The following HCFC1 variants were observed in gnomAD, a reference collection of about 807,000 sequenced individuals.
HCFC1 encodes the protein host cell factor 1.
In HCFC1, 7 loss-of-function variants were observed where a neutral mutation model predicts 105.5. The observed-to-expected ratio is 0.07, with a 90% CI of 0.04 to 0.12. The LOEUF is 0.12. HCFC1 is among the 10% of genes least tolerant of loss of function. The pLI is 1.00. For missense variants in HCFC1, 1,065 were observed against 1,823.6 expected, an observed-to-expected ratio of 0.58 and a Z score of 7.58; for synonymous variants, 918 against 828.1, an observed-to-expected ratio of 1.11 and a Z score of -1.86.
intron 5 of HCFC1, among the ~76,000 whole-genome samples, chrX:153,961,972 G>A (rs887232470): frequency 4.5e-5 from 5 of 112,266 alleles, no homozygotes; most frequent in African/African-American, 1.6e-4. Context: ...CTCTGTACCT[G>A]ATAGGGCGGA....
intron 1 of HCFC1, 49 bp from the exon 2 acceptor site, chrX:153,964,775 CCT>C: frequency 9.1e-7 from 1 of 1,096,874 alleles, no homozygotes; most frequent in Non-Finnish European, 1.2e-6. Context: ...AGCCCCCATT[CCT>C]CTCATTCCCC....
chrX:153,953,051 T>A (rs1569546678), intron 18 of HCFC1, 93 bp from the exon 19 acceptor site: 1 of 702,126 alleles, frequency 1.4e-6, no homozygotes. Flanking sequence ...ACTTCAGTAG[T>A]CAGAGCCCTT....
intron 4 of HCFC1, 53 bp from the exon 5 acceptor site, chrX:153,962,359 G>T (rs956588870): frequency 3.3e-6 from 3 of 912,045 alleles, no homozygotes; most frequent in Non-Finnish European, 3.2e-6. Context: ...CACACAGGTC[G>T]TTCCCTGGAT....
chrX:153,970,333 C>G (rs1325461244), intron 1 of HCFC1, among the ~76,000 whole-genome samples: 1 of 107,273 alleles, frequency 9.3e-6, no homozygotes, highest in East Asian at 2.9e-4. Flanking sequence ...GAAAACCAAT[C>G]CTCAAACACG....
chrX:153,958,064 C>T lies in HCFC1; in HGVS notation c.1989G>A (p.Leu663=), dbSNP rs1045866389. ...VVGGVTKTIT[L]VKSPISVPGG... ...CTGGGACAGAGATGGGGCTCTTCAC[C>T]AGGGTGATGGTCTTGGTGACCCCGC... The change falls in exon 11 of 26, where the codon CTG becomes CTA. Residue 663 remains leucine, a synonymous_variant. Transcript: ENST00000310441. 1.7e-6 allele frequency: 2 copies of T among 1,210,633 alleles called. No individual in the cohort carries two copies. Among genetic ancestry groups the T allele is most frequent in the Non-Finnish European group, 2.2e-6 (2 of 895,173 alleles).
chrX:153,948,920 C>T lies in HCFC1; in HGVS notation c.*427G>A, dbSNP rs186799498. 5.7e-4 allele frequency: 66 copies of T among 114,951 alleles called. No homozygotes were observed. Among genetic ancestry groups the T allele is most frequent in the Admixed American group, 1.0e-3 (11 of 10,906 alleles). The allele number at this position is 114,951 out of a possible 1,213,427, so 9.5% of individuals were successfully genotyped here. ...AAGAAAAGAAAACAGAACCAGACACCCAGGCCAGGGTGCCAGGAAAGCCAC... is the reference window on the plus strand; with the variant it reads ...AAGAAAAGAAAACAGAACCAGACACTCAGGCCAGGGTGCCAGGAAAGCCAC... On this transcript the variant is annotated 3_prime_UTR_variant, in exon 26 of 26. Coordinates refer to ENST00000310441, the MANE Select transcript of HCFC1 (RefSeq NM_005334.3).
At chrX:153,957,163 C>T (rs1446611067) in intron 13 of HCFC1, 103 bp from the exon 14 acceptor site, 1 of 1,020,490 alleles carries the variant, frequency 9.8e-7, no homozygotes, top group Non-Finnish European at 1.3e-6. Context: ...ATAGCCCTGC[C>T]CATCTCCTCA....
intron 18 of HCFC1, 124 bp from the exon 19 acceptor site, chrX:153,953,082 T>A (rs781786940): frequency 1.7e-6 from 1 of 578,500 alleles, no homozygotes; most frequent in Non-Finnish European, 2.9e-6. Flanking sequence ...CAGTCATTGA[T>A]GAGATCTTCT....
At chrX:153,968,577 G>A (rs2065494227) in intron 1 of HCFC1, among the ~76,000 whole-genome samples, 1 of 112,485 alleles carries the variant, frequency 8.9e-6, no homozygotes, top group South Asian at 3.6e-4. Flanking sequence ...ATTTTAAGCA[G>A]CCCTTTGGAA....
In HCFC1 at chrX:153,971,497, G is replaced by C. The variant is rs1207066264; in HGVS notation, c.-657C>G. 3 of 293,244 alleles carry C rather than the reference G, an allele frequency of 1.0e-5. No individual in the cohort carries two copies. The highest frequency in any genetic ancestry group is 1.8e-5 in the Non-Finnish European group (3 of 168,113). 24.2% of individuals were successfully genotyped at this position (293,244 alleles called of 1,213,427 possible). On this transcript the variant is annotated 5_prime_UTR_variant, in exon 1 of 26. Coordinates refer to ENST00000310441, the MANE Select transcript of HCFC1 (RefSeq NM_005334.3). The stretch of plus-strand genomic sequence containing the variant: ...AGCTCGAGCTCTCGAGGGCCGTTTG[G>C]GGGCTCGCGCCGTACGGCTTGTGAA...
chrX:153,962,388 G>A (rs1557117258), intron 4 of HCFC1, 82 bp from the exon 5 acceptor site: 5 of 683,795 alleles, frequency 7.3e-6, no homozygotes, highest in African/African-American at 2.1e-5. Context: ...GCTCAGGAAG[G>A]TAGGATCTGT....
chrX:153,960,777 C>T (rs1183808013), intron 6 of HCFC1, among the ~76,000 whole-genome samples: 1 of 112,508 alleles, frequency 8.9e-6, no homozygotes, highest in East Asian at 2.8e-4. Flanking sequence ...GAAATCTAAA[C>T]TTCAACCATC....
At position 153,947,652 on chromosome X, in the gene HCFC1, A is replaced by G. The variant is rs2065268009; in HGVS notation, c.*1695T>C. The G allele has an allele frequency of 8.9e-6, 1 of 112,445 alleles. No individual in the cohort carries two copies. Among genetic ancestry groups the G allele is most frequent in the Non-Finnish European group, 1.9e-5 (1 of 53,212 alleles). 9.3% of individuals were successfully genotyped at this position (112,445 alleles called of 1,213,427 possible). A position where few individuals can be genotyped will look rare whatever the true frequency, so the allele number is the denominator to read the frequency against. ...CACAGGGGTTACTCTACAATAGTGA[A>G]CGGTGTACTCTCCTCAGAAACAAAT... On this transcript the variant is annotated 3_prime_UTR_variant, in exon 26 of 26. Transcript: ENST00000310441.
intron 22 of HCFC1, 119 bp from the exon 23 acceptor site, chrX:153,951,117 GC>G: frequency 1.3e-6 from 1 of 751,549 alleles, no homozygotes; most frequent in Non-Finnish European, 2.0e-6. Context: ...GCGGTGGCTG[GC>G]CCCTCACGGC....
At chrX:153,956,462 C>T (rs2065377858) in intron 15 of HCFC1, 51 bp from the exon 16 acceptor site, 2 of 1,147,923 alleles carry the variant, frequency 1.7e-6, no homozygotes, top group Non-Finnish European at 1.2e-6. Context: ...GTCTCCTTCC[C>T]AGCAGCTCCT....
chrX:153,958,375 C>T (rs1203251530), intron 10 of HCFC1, 126 bp from the exon 11 acceptor site: 2 of 681,297 alleles, frequency 2.9e-6, no homozygotes, highest in Non-Finnish European at 4.5e-6. Flanking sequence ...TGCTCCCAAG[C>T]CCAAGAACAG....
At chrX:153,960,184 A>AG in intron 7 of HCFC1, 23 bp from the exon 8 acceptor site, 2 of 1,200,714 alleles carry the variant, frequency 1.7e-6, no homozygotes, top group Non-Finnish European at 2.2e-6. Context: ...GCAGTTGGTG[A>AG]GAAGGGGCGG....
At position 153,953,809 on chromosome X, in the gene HCFC1, C is replaced by T. The variant is rs372180917; in HGVS notation, c.4334-39G>A. 46 of 1,159,275 alleles carry T rather than the reference C, an allele frequency of 4.0e-5. No individual in the cohort carries two copies. In the African/African-American group the frequency reaches 4.8e-4, roughly 12 times the overall value. On this transcript the variant is annotated intron_variant, in intron 17 of 25. Transcript: ENST00000310441. ...AGGCAGGCGGCTGCTCAGCAGGAGC[C>T]CCCCCGGCCTGTACTTGGCTTGACC...
intron 9 of HCFC1, 79 bp downstream of exon 9, chrX:153,959,252 T>A: frequency 9.7e-7 from 1 of 1,029,559 alleles, no homozygotes; most frequent in African/African-American, 1.9e-5. Flanking sequence ...CCGAGAGGGA[T>A]GTGAACCCCT....
Sources: gnomAD v4.1 joint callset for allele counts (sites outside exome capture counted in the v4.1 genomes callset) on GRCh38, gnomAD v4.1.1 for gene constraint, MANE v1.5 for transcripts, NCBI Gene and HGNC (gene_info 2026-07-23, HGNC 2026-07-21) for gene names.